The following DLG2 variants were observed in gnomAD, a reference collection of about 807,000 sequenced individuals.
DLG2 encodes disks large homolog 2.
Under a neutral mutation model 132.5 loss-of-function variants are expected in DLG2, and 45 were observed. The ratio of observed to expected loss-of-function variants is 0.34; its 90% CI spans 0.27 to 0.44. The LOEUF is 0.44. DLG2 is among the 20% of genes least tolerant of loss of function. DLG2 has a pLI of 1.00. For missense variants in DLG2, 1,045 were observed against 1,196.9 expected (o/e 0.87, Z 1.87); for synonymous variants, 424 against 419.6 (o/e 1.01, Z -0.13).
At chr11:84,374,726 T>C (rs777053503) in intron 7 of DLG2, among the ~76,000 whole-genome samples, 1 of 152,126 alleles carries the variant, frequency 6.6e-6, no homozygotes, top group African/African-American at 2.4e-5. Context: ...CCCAGCTTCA[T>C]TTTTCCCCCT....
chr11:85,173,920 A>T (rs1267171536), intron 4 of DLG2, among the ~76,000 whole-genome samples: 3 of 152,176 alleles, frequency 2.0e-5, no homozygotes, highest in Non-Finnish European at 2.9e-5. Flanking sequence ...AAAAACAGCT[A>T]AGTATCCTGA....
chr11:84,631,016 TCTCACACACA>T (rs1248829693), intron 6 of DLG2, among the ~76,000 whole-genome samples: 38 of 122,546 alleles, frequency 3.1e-4, no homozygotes, highest in African/African-American at 1.2e-3. Context: ...TCTCTCTCTC[TCTCACACACA>T]CACACACACA....
chr11:84,164,898 C>T (rs1361817204), intron 8 of DLG2, among the ~76,000 whole-genome samples: 1 of 152,144 alleles, frequency 6.6e-6, no homozygotes, highest in African/African-American at 2.4e-5. Flanking sequence ...ATTTTCTAGG[C>T]TTCAGCAACT....
At chr11:85,022,496 A>T (rs1452728359) in intron 6 of DLG2, among the ~76,000 whole-genome samples, 1 of 152,114 alleles carries the variant, frequency 6.6e-6, no homozygotes, top group South Asian at 2.1e-4. Context: ...TAAACTAGGA[A>T]CTATAAAACA....
chr11:85,060,188 T>C (rs1008562224), intron 6 of DLG2, among the ~76,000 whole-genome samples: 1 of 151,578 alleles, frequency 6.6e-6, no homozygotes, highest in African/African-American at 2.4e-5. Flanking sequence ...ACTGGAATTA[T>C]GCAGTATTTG....
intron 12 of DLG2, among the ~76,000 whole-genome samples, chr11:83,966,035 T>C (rs904722453): frequency 6.6e-6 from 1 of 152,044 alleles, no homozygotes; most frequent in Admixed American, 6.6e-5. Flanking sequence ...GCATGTTTAG[T>C]TTGCTTCTAA....
intron 3 of DLG2, among the ~76,000 whole-genome samples, chr11:85,559,835 G>GATAC: frequency 6.6e-6 from 1 of 150,606 alleles, no homozygotes; most frequent in Admixed American, 6.6e-5. Flanking sequence ...TAGATAGATA[G>GATAC]ATAGATAGAT....
intron 6 of DLG2, among the ~76,000 whole-genome samples, chr11:84,784,933 G>C (rs1004155974): frequency 7.2e-5 from 11 of 152,080 alleles, no homozygotes; most frequent in African/African-American, 2.7e-4. Flanking sequence ...AAAAAGCCAA[G>C]AGAGTTGGTG....
At chr11:85,255,948 G>A (rs1235075829) in intron 4 of DLG2, among the ~76,000 whole-genome samples, 1 of 152,156 alleles carries the variant, frequency 6.6e-6, no homozygotes, top group Non-Finnish European at 1.5e-5. Flanking sequence ...TTAGGGGCAA[G>A]AAACTTCAGG....
chr11:83,668,867 A>ATATT lies in DLG2; in HGVS notation c.1826-35543_1826-35542insAATA, dbSNP rs768513119. 2.8e-3 allele frequency among the ~76,000 whole-genome samples: 312 copies of ATATT among 110,376 alleles called. 15 individuals are homozygous for ATATT. The highest frequency in any genetic ancestry group is 3.1e-3 in the African/African-American group (88 of 28,180). 72.4% of individuals were successfully genotyped at this position (110,376 alleles called of 152,430 possible). ...CACACACACATATATATATATATATATTTTTTTTTTATGATAGACTATGAG... is the reference window on the plus strand; with the variant it reads ...CACACACACATATATATATATATATATATTTTTTTTTTTTATGATAGACTATGAG... On this transcript the variant is annotated intron_variant, in intron 18 of 27. Coordinates refer to ENST00000376104, the MANE Select transcript of DLG2 (RefSeq NM_001142699.3).
chr11:83,583,992 C>A (rs1484029123), intron 19 of DLG2, among the ~76,000 whole-genome samples: 1 of 152,136 alleles, frequency 6.6e-6, no homozygotes, highest in Non-Finnish European at 1.5e-5. Flanking sequence ...CTATAATTAA[C>A]TCAGTGTCAG....
intron 6 of DLG2, among the ~76,000 whole-genome samples, chr11:84,943,577 A>G (rs2049782493): frequency 6.6e-6 from 1 of 152,194 alleles, no homozygotes. Flanking sequence ...TGATGACAAC[A>G]CAATTGCAAA....
chr11:84,542,772 C>T (rs992248383), intron 6 of DLG2, among the ~76,000 whole-genome samples: 1 of 152,054 alleles, frequency 6.6e-6, no homozygotes. Context: ...CAATGATGAA[C>T]CACGTGAAAA....
intron 3 of DLG2, among the ~76,000 whole-genome samples, chr11:85,467,986 C>G (rs925240018): frequency 4.7e-4 from 71 of 152,200 alleles, no homozygotes; most frequent in African/African-American, 1.5e-3. Flanking sequence ...CTCAATTTCA[C>G]AGCCTGTTAT....
In DLG2 at chr11:85,243,362, A is replaced by C. The variant is rs187377964; in HGVS notation, c.186+41858T>G. ...GAATTCAGAGATTCTATTTCATTCA[A>C]TTTTACATCCCAGACCCATATAGCA... On this transcript the variant is annotated intron_variant, in intron 4 of 27. Coordinates refer to ENST00000376104, the MANE Select transcript of DLG2 (RefSeq NM_001142699.3). Among the ~76,000 whole-genome samples, 22 of 152,116 alleles carry C rather than the reference A, an allele frequency of 1.4e-4. 1 individual carries two copies. The highest frequency in any genetic ancestry group is 4.1e-4 in the African/African-American group (17 of 41,552).
intron 4 of DLG2, among the ~76,000 whole-genome samples, chr11:85,200,819 C>A (rs1334798581): frequency 6.6e-6 from 1 of 151,880 alleles, no homozygotes; most frequent in Non-Finnish European, 1.5e-5. Context: ...CAGTCTGCTG[C>A]AGTTGGGAAA....
chr11:85,076,238 T>C (rs1410890216), intron 6 of DLG2, among the ~76,000 whole-genome samples: 1 of 151,962 alleles, frequency 6.6e-6, no homozygotes, highest in Non-Finnish European at 1.5e-5. Context: ...AATCACAGTA[T>C]TTTTCCTCAC....
chr11:83,999,952 A>G (rs1210985127), intron 11 of DLG2, among the ~76,000 whole-genome samples: 2 of 8,280 alleles, frequency 2.4e-4, no homozygotes, highest in Non-Finnish European at 3.9e-4. Context: ...TGACACTGGA[A>G]ACATTAAAAA....
intron 6 of DLG2, among the ~76,000 whole-genome samples, chr11:84,796,295 T>C (rs1437938944): frequency 2.6e-5 from 4 of 152,254 alleles, no homozygotes; most frequent in Admixed American, 2.6e-4. Flanking sequence ...ATTTTAACTT[T>C]GTCTCCCTGC....
Sources: allele counts gnomAD v4.1 joint callset (sites outside exome capture counted in the v4.1 genomes callset), GRCh38; gene constraint gnomAD v4.1.1; transcripts MANE v1.5; gene names NCBI Gene and HGNC (gene_info 2026-07-23, HGNC 2026-07-21).